The following RASEF variants were observed in gnomAD, a reference collection of about 807,000 sequenced individuals.
RASEF encodes the protein ras and EF-hand domain-containing protein.
RASEF carries 68 observed loss-of-function variants against 90.1 expected under a neutral mutation model. That is an observed-to-expected ratio of 0.75 (90% CI 0.62 to 0.92). RASEF has a LOEUF of 0.92. RASEF is among the 40% of genes least tolerant of loss of function. RASEF has a pLI of 0.00. For missense variants in RASEF, 949 were observed against 937.2 expected, an observed-to-expected ratio of 1.01 and a Z score of -0.16; for synonymous variants, 331 against 345.2, an observed-to-expected ratio of 0.96 and a Z score of 0.46.
chr9:83,164,361 A>G, the RASEF span, among the ~76,000 whole-genome samples: 2 of 146,410 alleles, frequency 1.4e-5, no homozygotes, highest in South Asian at 4.2e-4. Context: ...ATATATATAT[A>G]TATATATATA....
At chr9:83,035,083 G>C (rs772675757) in intron 1 of RASEF, among the ~76,000 whole-genome samples, 1 of 152,142 alleles carries the variant, frequency 6.6e-6, no homozygotes, top group Non-Finnish European at 1.5e-5. Flanking sequence ...AATGTCTTAC[G>C]CGTGGCAGTA....
At chr9:83,164,373 A>ATATG in the RASEF span, among the ~76,000 whole-genome samples, 107 of 141,958 alleles carry the variant, frequency 7.5e-4, no homozygotes, top group East Asian at 1.6e-3. Flanking sequence ...ATATATATAT[A>ATATG]TGTGTGTGTG....
chr9:83,175,198 A>C, the RASEF span, among the ~76,000 whole-genome samples: 1 of 152,174 alleles, frequency 6.6e-6, no homozygotes, highest in Non-Finnish European at 1.5e-5. Flanking sequence ...TTCCTAGGGG[A>C]AACACTTCAG....
chr9:83,019,024 C>T (rs1829396062), intron 3 of RASEF, among the ~76,000 whole-genome samples: 1 of 151,914 alleles, frequency 6.6e-6, no homozygotes, highest in Non-Finnish European at 1.5e-5. Context: ...CTGAATTTAA[C>T]CTAAAACAAT....
chr9:83,037,133 A>C (rs1829756212), intron 1 of RASEF, among the ~76,000 whole-genome samples: 1 of 152,212 alleles, frequency 6.6e-6, no homozygotes. Context: ...GTGAAACATG[A>C]CTTTTTTCTT....
At chr9:83,122,063 A>T in the RASEF span, among the ~76,000 whole-genome samples, 2 of 152,184 alleles carry the variant, frequency 1.3e-5, no homozygotes, top group East Asian at 1.9e-4. Flanking sequence ...TATTATTTTT[A>T]AAAACTTATT....
At chr9:83,146,456 T>C in the RASEF span, among the ~76,000 whole-genome samples, 5 of 152,162 alleles carry the variant, frequency 3.3e-5, no homozygotes, top group African/African-American at 9.7e-5. Flanking sequence ...TTTTGTAGAG[T>C]AGAATTGCTG....
At chr9:83,002,434 C>T (rs1465218265) in intron 9 of RASEF, among the ~76,000 whole-genome samples, 3 of 151,570 alleles carry the variant, frequency 2.0e-5, no homozygotes, top group Non-Finnish European at 4.4e-5. Context: ...TAGCTAGCTA[C>T]GTGTGTGCAT....
intron 1 of RASEF, among the ~76,000 whole-genome samples, chr9:83,053,414 C>T (rs1167151142): frequency 8.9e-6 from 1 of 112,746 alleles, no homozygotes. Context: ...TTCCTCCATC[C>T]TTTTATTTTG....
chr9:83,048,611 G>GAA, intron 1 of RASEF: 1 of 985,408 alleles, frequency 1.0e-6, no homozygotes, highest in Non-Finnish European at 1.2e-6. Context: ...AAAAGGGCGA[G>GAA]AAGAGTTTCT....
chr9:83,056,591 T>C (rs1020386642), intron 1 of RASEF, among the ~76,000 whole-genome samples: 5 of 152,184 alleles, frequency 3.3e-5, no homozygotes, highest in Non-Finnish European at 7.4e-5. Flanking sequence ...TGAAAAAAGA[T>C]TGGATAACCT....
At chr9:83,024,106 A>C (rs1829494076) in intron 2 of RASEF, among the ~76,000 whole-genome samples, 1 of 152,190 alleles carries the variant, frequency 6.6e-6, no homozygotes, top group African/African-American at 2.4e-5. Flanking sequence ...TAAGCATGCA[A>C]GGAATGGTTT....
intron 16 of RASEF, among the ~76,000 whole-genome samples, chr9:82,984,773 T>C (rs1201797123): frequency 3.9e-5 from 6 of 152,218 alleles, no homozygotes; most frequent in Admixed American, 2.6e-4. Flanking sequence ...AACTTCCAAA[T>C]GCAAAATCTT....
the RASEF span, among the ~76,000 whole-genome samples, chr9:83,110,123 A>C: frequency 2.6e-5 from 4 of 152,210 alleles, no homozygotes; most frequent in Non-Finnish European, 5.9e-5. Context: ...AGCATTATTA[A>C]AGCCTCAGAG....
the RASEF span, among the ~76,000 whole-genome samples, chr9:83,081,805 T>C: frequency 6.6e-6 from 1 of 152,184 alleles, no homozygotes; most frequent in Non-Finnish European, 1.5e-5. Flanking sequence ...TTTACCAACA[T>C]GATCACCTCT....
At chr9:83,087,405 T>TCTCTCTCTCTCTCTCTCTCTCTC in the RASEF span, among the ~76,000 whole-genome samples, 3 of 115,602 alleles carry the variant, frequency 2.6e-5, no homozygotes, top group Non-Finnish European at 3.6e-5. Context: ...TTCTCATTCA[T>TCTCTCTCTCTCTCTCTCTCTCTC]TCTCTCTCTC....
At chr9:83,155,027 G>C in the RASEF span, among the ~76,000 whole-genome samples, 5 of 152,180 alleles carry the variant, frequency 3.3e-5, no homozygotes, top group Non-Finnish European at 5.9e-5. Flanking sequence ...ACCACCTCTT[G>C]TGGGTTAGTA....
At chr9:83,046,747 A>G (rs1267315594) in intron 1 of RASEF, among the ~76,000 whole-genome samples, 8 of 152,188 alleles carry the variant, frequency 5.3e-5, no homozygotes, top group Non-Finnish European at 1.2e-4. Context: ...CGACTGTGTC[A>G]TCCCAGGGGA....
the RASEF span, among the ~76,000 whole-genome samples, chr9:83,200,267 T>C: frequency 6.6e-6 from 1 of 151,718 alleles, no homozygotes; most frequent in African/African-American, 2.4e-5. Flanking sequence ...GTAGTGGCGG[T>C]TGCCTGTAAT....
Sources: allele counts gnomAD v4.1 joint callset (sites outside exome capture counted in the v4.1 genomes callset), GRCh38; gene constraint gnomAD v4.1.1; transcripts MANE v1.5; gene names NCBI Gene and HGNC (gene_info 2026-07-23, HGNC 2026-07-21).